Variants in SKIL observed in about 807,000 individuals in gnomAD.
SKIL encodes the protein SKI like proto-oncogene, also known as ski-like protein.
Under a neutral mutation model 69.6 loss-of-function variants are expected in SKIL, and 20 were observed. The observed-to-expected ratio is 0.29, with a 90% confidence interval of 0.20 to 0.42. SKIL has a LOEUF of 0.42. Ranked by LOEUF, SKIL falls within the 10% of genes least tolerant of loss-of-function variation. SKIL has a pLI of 1.00. For synonymous variants in SKIL, 310 were observed against 279.9 expected (o/e 1.11, Z -1.08); for missense variants, 745 against 783.1 (o/e 0.95, Z 0.58).
rs1479185842 is a variant in SKIL at position 170,390,293 on chromosome 3, C to T, written c.1500C>T (p.Asp500=). Residue 500 remains aspartate (D), a synonymous_variant, in exon 5 of 7, where the codon GAC becomes GAT. Coordinates refer to ENST00000259119, the MANE Select transcript of SKIL (RefSeq NM_005414.5). ...CTGCCACTTGCAACTTAGTCAGAGA[C>T]ATAAACAAAGTGGGAATTGGCCTTG... The part of the protein sequence containing the change: ...SESATCNLVR[D]INKVGIGLVA... The T allele has an allele frequency of 1.2e-6, 2 of 1,613,272 alleles. No homozygotes were observed. Among genetic ancestry groups the T allele is most frequent in the Admixed American group, 3.3e-5 (2 of 59,974 alleles).
intron 1 of SKIL, chr3:170,358,511 G>C (rs1736054734): frequency 6.5e-6 from 1 of 152,796 alleles, no homozygotes; most frequent in African/African-American, 2.4e-5. Context: ...CAGGGTTTTA[G>C]GGGCTCCCCC....
At position 170,357,735 on chromosome 3, in the gene SKIL, AG is replaced by A. The variant is rs1560201861; in HGVS notation, c.-661del. On this transcript the variant is annotated 5_prime_UTR_variant, in exon 1 of 7. Coordinates refer to ENST00000259119, the MANE Select transcript of SKIL (RefSeq NM_005414.5). Reference sequence around the variant, plus strand: ...CCGGCACAGCCGAAGGGAGCGGGCGAGCGGCGACGGCGGCGGCGGCGGGCAC... The same window carrying A: ...CCGGCACAGCCGAAGGGAGCGGGCGACGGCGACGGCGGCGGCGGCGGGCAC... 3.7e-5 allele frequency: 6 copies of A among 160,570 alleles called. No individual in the cohort carries two copies. The highest frequency in any genetic ancestry group is 7.7e-5 in the Non-Finnish European group (6 of 78,012). 9.9% of individuals were successfully genotyped at this position (160,570 alleles called of 1,614,324 possible). A position where few individuals can be genotyped will look rare whatever the true frequency, so the allele number is the denominator to read the frequency against.
chr3:170,359,882 G>C lies in SKIL; in HGVS notation c.-450G>C, dbSNP rs1377150707. 7 of 154,042 alleles carry C rather than the reference G, an allele frequency of 4.5e-5. No individual in the cohort carries two copies. Among genetic ancestry groups the C allele is most frequent in the African/African-American group, 1.7e-4 (7 of 41,448 alleles). 9.5% of individuals were successfully genotyped at this position (154,042 alleles called of 1,614,324 possible). ...CCTTTTTGGTTTCCTTGGTGGTAAAGATTAAATTTGGTTGCATCATTTTGA... is the reference window on the plus strand; with the variant it reads ...CCTTTTTGGTTTCCTTGGTGGTAAACATTAAATTTGGTTGCATCATTTTGA... On this transcript the variant is annotated 5_prime_UTR_variant, in exon 2 of 7. Transcript: ENST00000259119.
At chr3:170,386,946 A>AAAGT (rs1560219990) in intron 4 of SKIL, among the ~76,000 whole-genome samples, 2 of 152,298 alleles carry the variant, frequency 1.3e-5, no homozygotes, top group Non-Finnish European at 2.9e-5. Flanking sequence ...TAAAGCCTAC[A>AAAGT]ATTCAGTGGT....
At chr3:170,365,254 G>GC (rs1409945711) in intron 2 of SKIL, among the ~76,000 whole-genome samples, 2 of 152,180 alleles carry the variant, frequency 1.3e-5, no homozygotes, top group African/African-American at 4.8e-5. Context: ...TCGAAGTTTA[G>GC]TAATTTTTCA....
At chr3:170,383,116 G>C (rs777409108) in intron 3 of SKIL, among the ~76,000 whole-genome samples, 2 of 152,228 alleles carry the variant, frequency 1.3e-5, no homozygotes, top group South Asian at 2.1e-4. Flanking sequence ...TTCAATAAAT[G>C]TTCACCCTAG....
chr3:170,381,430 A>T (rs75250158), intron 3 of SKIL, 89 bp downstream of exon 3: 3 of 693,214 alleles, frequency 4.3e-6, no homozygotes, highest in East Asian at 2.6e-5. Flanking sequence ...TGGGAATTTA[A>T]TTATTTATTT....
At chr3:170,367,377 G>A (rs541658180) in intron 2 of SKIL, among the ~76,000 whole-genome samples, 44 of 152,160 alleles carry the variant, frequency 2.9e-4, no homozygotes, top group Middle Eastern at 3.4e-3. Context: ...GATTACAGGC[G>A]TGAGCCACTG....
chr3:170,373,807 C>G (rs928369398), intron 2 of SKIL, among the ~76,000 whole-genome samples: 14 of 152,142 alleles, frequency 9.2e-5, no homozygotes, highest in Admixed American at 9.2e-4. Flanking sequence ...ACGAGGATCC[C>G]TTGAGCCCAG....
chr3:170,360,635 G>T lies in SKIL; in HGVS notation c.304G>T (p.Gly102Cys). The change falls in exon 2 of 7, where the codon GGT (glycine) becomes TGT (cysteine). Residue 102 changes from glycine (G) to cysteine (C), a missense_variant. Physicochemically the swap from Gly to Cys is radical, Grantham distance 159. Transcript: ENST00000259119. ...CCATTTAAGTAGTCAGAGCTCGCTG[G>T]GTGGACCAGCAGCATTTTCTGCTCG... The part of the protein sequence containing the change: ...QFHLSSQSSL[G>C]GPAAFSARHS... 6.2e-7 allele frequency: 1 copy of T among 1,614,140 alleles called. No homozygotes were observed. Among genetic ancestry groups the T allele is most frequent in the Non-Finnish European group, 8.5e-7 (1 of 1,180,024 alleles).
chr3:170,387,759 T>TAA (rs748924498), intron 4 of SKIL, among the ~76,000 whole-genome samples: 3,932 of 57,666 alleles, frequency 0.068, 413 homozygotes, highest in African/African-American at 0.17. Context: ...CCGTCTCTAC[T>TAA]AAAAAAAAAA....
In SKIL at chr3:170,394,115, A is replaced by ATTTTTTTTTTTTTTTT. The variant is rs559327626; in HGVS notation, c.*1714_*1729dup. On this transcript the variant is annotated 3_prime_UTR_variant, in exon 7 of 7. Transcript: ENST00000259119. ...ATATTAAAATGACATGTAGAAACAA[A>ATTTTTTTTTTTTTTTT]TTTTTTTTTTTTTTTTTTTTTTTTT... The ATTTTTTTTTTTTTTTT allele has an allele frequency of 8.1e-5, 6 of 74,324 alleles. No individual in the cohort carries two copies. The highest frequency in any genetic ancestry group is 3.1e-4 in the African/African-American group (6 of 19,300). 4.6% of individuals were successfully genotyped at this position (74,324 alleles called of 1,614,324 possible).
At chr3:170,362,771 C>G (rs143262087) in intron 2 of SKIL, among the ~76,000 whole-genome samples, 2 of 150,908 alleles carry the variant, frequency 1.3e-5, no homozygotes, top group African/African-American at 4.9e-5. Context: ...GCCGAGATCA[C>G]GCCACCACAG....
chr3:170,390,322 C>T lies in SKIL; in HGVS notation c.1529C>T (p.Ala510Val), dbSNP rs751492063. Reference protein sequence around the residue: ...DINKVGIGLVAAASSPLLVKD... With the variant: ...DINKVGIGLVVAASSPLLVKD... ...AACAAAGTGGGAATTGGCCTTGTTGCTGCCGCTTCATCTCCGCTTCTTGTG... is the reference window on the plus strand; with the variant it reads ...AACAAAGTGGGAATTGGCCTTGTTGTTGCCGCTTCATCTCCGCTTCTTGTG... The change falls in exon 5 of 7, where the codon GCT becomes GTT. Residue 510 changes from alanine (A) to valine (V), a missense_variant. By Grantham distance (64) the Ala-to-Val change is moderately conservative. Coordinates refer to ENST00000259119, the MANE Select transcript of SKIL (RefSeq NM_005414.5). The T allele has an allele frequency of 1.2e-6, 2 of 1,614,050 alleles. No homozygotes were observed. The highest frequency in any genetic ancestry group is 2.2e-5 in the East Asian group (1 of 44,876).
rs540032157 is a variant in SKIL at position 170,395,794 on chromosome 3, G to A, written c.*3377G>A. On this transcript the variant is annotated 3_prime_UTR_variant, in exon 7 of 7. Transcript: ENST00000259119. ...TTAAAAATTAATATAAAGAAAAATCGTGCTCATACTGTACATCTGTTTCTG... is the reference window on the plus strand; with the variant it reads ...TTAAAAATTAATATAAAGAAAAATCATGCTCATACTGTACATCTGTTTCTG... The A allele has an allele frequency of 5.9e-5, 9 of 152,006 alleles. No individual in the cohort carries two copies. The highest frequency in any genetic ancestry group is 3.9e-4 in the East Asian group (2 of 5,176). 9.4% of individuals were successfully genotyped at this position (152,006 alleles called of 1,614,324 possible). A position where few individuals can be genotyped will look rare whatever the true frequency, so the allele number is the denominator to read the frequency against.
At position 170,393,567 on chromosome 3, in the gene SKIL, A is replaced by T. The variant is rs958553457; in HGVS notation, c.*1150A>T. 5 of 152,154 alleles carry T rather than the reference A, an allele frequency of 3.3e-5. No homozygotes were observed. Among genetic ancestry groups the T allele is most frequent in the Non-Finnish European group, 7.4e-5 (5 of 68,014 alleles). The allele number at this position is 152,154 out of a possible 1,614,324, so 9.4% of individuals were successfully genotyped here. ...GAATTCCATAGTTTCAGGAGGGACA[A>T]CATCTTCTGCACTTTTTTTTTGCAC... On this transcript the variant is annotated 3_prime_UTR_variant, in exon 7 of 7. Transcript: ENST00000259119.
rs1023946523 is a variant in SKIL at position 170,373,057 on chromosome 3, G to A, written c.1099-8187G>A. Reference sequence around the variant, plus strand: ...GGCTGGAGTTCAGTGGCGTGATCTCGGCTCACAGCAACCTCGACAACCTCC... The same window carrying A: ...GGCTGGAGTTCAGTGGCGTGATCTCAGCTCACAGCAACCTCGACAACCTCC... On this transcript the variant is annotated intron_variant, in intron 2 of 6. Coordinates refer to ENST00000259119, the MANE Select transcript of SKIL (RefSeq NM_005414.5). Among the ~76,000 whole-genome samples, 5 of 145,132 alleles carry A rather than the reference G, an allele frequency of 3.4e-5. No homozygotes were observed. In the East Asian group the frequency reaches 8.2e-4, roughly 24 times the overall value.
chr3:170,378,753 G>T (rs1398762494), intron 2 of SKIL, among the ~76,000 whole-genome samples: 1 of 151,832 alleles, frequency 6.6e-6, no homozygotes, highest in Non-Finnish European at 1.5e-5. Context: ...ATGTTGGCCA[G>T]GCTGGTCTCA....
Position 170,394,381 on chromosome 3 carries a change from A to G in SKIL, c.*1964A>G, listed in dbSNP as rs1738089818. 6.6e-6 allele frequency: 1 copy of G among 152,142 alleles called. No individual in the cohort carries two copies. The highest frequency in any genetic ancestry group is 6.6e-5 in the Admixed American group (1 of 15,266). The allele number at this position is 152,142 out of a possible 1,614,324, so 9.4% of individuals were successfully genotyped here. A position where few individuals can be genotyped will look rare whatever the true frequency, so the allele number is the denominator to read the frequency against. On this transcript the variant is annotated 3_prime_UTR_variant, in exon 7 of 7. Transcript: ENST00000259119. ...AGGAAAAATCAGATATTTATGATATAGTTTTATTTTAATTTTGAATTATTT... is the reference window on the plus strand; with the variant it reads ...AGGAAAAATCAGATATTTATGATATGGTTTTATTTTAATTTTGAATTATTT...
Sources: allele counts gnomAD v4.1 joint callset (sites outside exome capture counted in the v4.1 genomes callset), GRCh38; gene constraint gnomAD v4.1.1; transcripts MANE v1.5; gene names NCBI Gene and HGNC (gene_info 2026-07-23, HGNC 2026-07-21).